FREM3: variants seen among roughly 807,000 people sequenced by gnomAD.
FREM3 encodes FRAS1-related extracellular matrix protein 3.
Under a neutral mutation model 129.1 loss-of-function variants are expected in FREM3, and 105 were observed. That is an observed-to-expected ratio of 0.81 (90% CI 0.69 to 0.96). The LOEUF (loss-of-function observed/expected upper bound fraction) is 0.96, where lower values mean the gene tolerates loss of function less well. Among genes scored for constraint, FREM3 ranks in the 40% least tolerant of loss-of-function variants. The pLI, the probability that FREM3 is intolerant of heterozygous loss-of-function variation, is 0.00. For synonymous variants in FREM3, 1,014 were observed against 1,044.9 expected (o/e 0.97, Z 0.57); for missense variants, 2,593 against 2,666.3 (o/e 0.97, Z 0.61).
intron 1 of FREM3, among the ~76,000 whole-genome samples, chr4:143,693,792 T>C (rs917203486): frequency 6.6e-6 from 1 of 152,214 alleles, no homozygotes; most frequent in African/African-American, 2.4e-5. Context: ...ATGTCTTTTG[T>C]TGTTCTTCTT....
At chr4:143,652,399 T>C (rs1335658890) in intron 2 of FREM3, among the ~76,000 whole-genome samples, 1 of 40,138 alleles carries the variant, frequency 2.5e-5, no homozygotes, top group Non-Finnish European at 7.7e-5. Context: ...CCTGACCTCA[T>C]GATCCACCCG....
At chr4:143,689,703 A>T (rs951401151) in intron 2 of FREM3, among the ~76,000 whole-genome samples, 1 of 152,128 alleles carries the variant, frequency 6.6e-6, no homozygotes, top group Non-Finnish European at 1.5e-5. Context: ...CTATGCAGCC[A>T]TAAAAGGAAT....
intron 2 of FREM3, among the ~76,000 whole-genome samples, chr4:143,642,902 C>G (rs1385093818): frequency 4.6e-5 from 7 of 151,966 alleles, no homozygotes; most frequent in East Asian, 1.9e-4. Context: ...ATATAAGGAA[C>G]CTAACAGCAA....
intron 2 of FREM3, among the ~76,000 whole-genome samples, chr4:143,631,539 A>G (rs1739140113): frequency 6.6e-6 from 1 of 152,158 alleles, no homozygotes; most frequent in Non-Finnish European, 1.5e-5. Context: ...ATATCTATAC[A>G]TTTTTATTTC....
In FREM3 at chr4:143,698,519, T is replaced by C. The variant is rs1740625750; in HGVS notation, c.2157A>G (p.Gln719=). 2 of 1,537,436 alleles carry C rather than the reference T, an allele frequency of 1.3e-6. No individual in the cohort carries two copies. Residue 719 remains glutamine, a synonymous_variant, in exon 1 of 8, where the codon CAA becomes CAG. Transcript: ENST00000329798. ...TTLEMTVQEY[Q]LTHFQKNFLR... ...GGAAATTCTTCTGGAAGTGAGTGAG[T>C]TGGTATTCTTGTACAGTCATTTCTA...
chr4:143,676,236 C>T (rs552798058), intron 2 of FREM3, among the ~76,000 whole-genome samples: 83 of 152,170 alleles, frequency 5.5e-4, no homozygotes, highest in Non-Finnish European at 7.9e-4. Flanking sequence ...GCTGGTTCAA[C>T]ATATGCAAAT....
At chr4:143,663,873 G>T (rs1405611125) in intron 2 of FREM3, among the ~76,000 whole-genome samples, 1 of 151,710 alleles carries the variant, frequency 6.6e-6, no homozygotes, top group Non-Finnish European at 1.5e-5. Context: ...CCAGTTGATC[G>T]CATCGGCTCC....
chr4:143,581,174 A>T (rs998652279), intron 7 of FREM3, among the ~76,000 whole-genome samples: 7 of 152,088 alleles, frequency 4.6e-5, no homozygotes, highest in African/African-American at 1.2e-4. Flanking sequence ...TGCCACTGTT[A>T]TCCTCACTGG....
At chr4:143,662,969 A>T (rs1421862577) in intron 2 of FREM3, among the ~76,000 whole-genome samples, 1 of 152,074 alleles carries the variant, frequency 6.6e-6, no homozygotes, top group Non-Finnish European at 1.5e-5. Flanking sequence ...TTTTGAGCCT[A>T]TGTGTATTTC....
intron 5 of FREM3, among the ~76,000 whole-genome samples, chr4:143,620,107 C>G (rs969118867): frequency 6.6e-6 from 1 of 152,180 alleles, no homozygotes; most frequent in Non-Finnish European, 1.5e-5. Context: ...TCAAGACTTA[C>G]TAAATAACTG....
intron 3 of FREM3, among the ~76,000 whole-genome samples, chr4:143,626,023 C>T (rs1487254251): frequency 6.6e-6 from 1 of 152,118 alleles, no homozygotes; most frequent in African/African-American, 2.4e-5. Context: ...TCGAACTCCA[C>T]CATTTTGTTT....
chr4:143,631,731 T>C (rs1739144525), intron 2 of FREM3, among the ~76,000 whole-genome samples: 1 of 152,082 alleles, frequency 6.6e-6, no homozygotes, highest in South Asian at 2.1e-4. Flanking sequence ...AGAATTCTCT[T>C]TGCAGAGAAG....
At chr4:143,682,166 G>T (rs1460037446) in intron 2 of FREM3, among the ~76,000 whole-genome samples, 1 of 152,168 alleles carries the variant, frequency 6.6e-6, no homozygotes, top group South Asian at 2.1e-4. Context: ...AGTGAGGCAA[G>T]AGAATAGGGT....
intron 7 of FREM3, among the ~76,000 whole-genome samples, chr4:143,583,417 T>C (rs1738182820): frequency 6.6e-6 from 1 of 152,108 alleles, no homozygotes; most frequent in African/African-American, 2.4e-5. Context: ...TTTCCCCAAC[T>C]TCACTAGAGA....
chr4:143,610,763 G>A (rs1428655534), intron 6 of FREM3, among the ~76,000 whole-genome samples: 1 of 152,160 alleles, frequency 6.6e-6, no homozygotes, highest in Non-Finnish European at 1.5e-5. Flanking sequence ...TTAGGAATGA[G>A]GCGCCCCTCT....
At chr4:143,657,380 A>G (rs966128003) in intron 2 of FREM3, among the ~76,000 whole-genome samples, 2 of 152,216 alleles carry the variant, frequency 1.3e-5, no homozygotes, top group Non-Finnish European at 2.9e-5. Flanking sequence ...AGAACAGTCA[A>G]TAGCATTCTC....
At chr4:143,669,666 A>C (rs181390532) in intron 2 of FREM3, among the ~76,000 whole-genome samples, 2 of 151,940 alleles carry the variant, frequency 1.3e-5, no homozygotes, top group South Asian at 2.1e-4. Flanking sequence ...GAAAAAAAAA[A>C]AAAACCACAA....
At chr4:143,678,553 T>C (rs1181641067) in intron 2 of FREM3, among the ~76,000 whole-genome samples, 2 of 151,418 alleles carry the variant, frequency 1.3e-5, no homozygotes, top group Non-Finnish European at 2.9e-5. Context: ...AATATATATA[T>C]ATATGTAAAA....
At chr4:143,606,105 A>G (rs1483481862) in intron 6 of FREM3, among the ~76,000 whole-genome samples, 2 of 152,108 alleles carry the variant, frequency 1.3e-5, no homozygotes, top group African/African-American at 4.8e-5. Context: ...CTGATAAACA[A>G]TTGGATTCTT....
Sources: gnomAD v4.1 joint callset for allele counts (sites outside exome capture counted in the v4.1 genomes callset) on GRCh38, gnomAD v4.1.1 for gene constraint, MANE v1.5 for transcripts, NCBI Gene and HGNC (gene_info 2026-07-23, HGNC 2026-07-21) for gene names.